AP3D1: variants seen among roughly 807,000 people sequenced by gnomAD.
AP3D1 encodes adaptor related protein complex 3 subunit delta 1, also known as AP-3 complex subunit delta-1.
In AP3D1, 51 loss-of-function variants were observed where a neutral mutation model predicts 147.6. That is an observed-to-expected ratio of 0.35 (90% CI 0.28 to 0.44). AP3D1 has a LOEUF of 0.44. Ranked by LOEUF, AP3D1 falls within the 20% of genes least tolerant of loss-of-function variation. AP3D1 has a pLI of 1.00. For missense variants in AP3D1, 1,421 were observed against 1,624.2 expected, an observed-to-expected ratio of 0.87 and a Z score of 2.15; for synonymous variants, 760 against 663.0, an observed-to-expected ratio of 1.15 and a Z score of -2.25.
chr19:2,102,041 G>T lies in AP3D1; in HGVS notation c.*132C>A. The T allele has an allele frequency of 1.5e-6, 1 of 687,158 alleles. No individual in the cohort carries two copies. Among genetic ancestry groups the T allele is most frequent in the Non-Finnish European group, 2.5e-6 (1 of 397,370 alleles). The allele number at this position is 687,158 out of a possible 1,614,324, so 42.6% of individuals were successfully genotyped here. The stretch of plus-strand genomic sequence containing the variant: ...ACAAATGACCTCGGATGTCTACACG[G>T]CGGACAACATAGAGTTAAATTAACA... On this transcript the variant is annotated 3_prime_UTR_variant, in exon 32 of 32. Coordinates refer to ENST00000643116, the MANE Select transcript of AP3D1 (RefSeq NM_001261826.3).
chr19:2,124,218 C>A lies in AP3D1; in HGVS notation c.857-339G>T, dbSNP rs1209284493. Among the ~76,000 whole-genome samples the A allele has an allele frequency of 3.3e-5, 5 of 152,234 alleles. No individual in the cohort carries two copies. The East Asian group carries it at 9.6e-4, about 29-fold the overall frequency. ...AGGCCCCGAGGCCACAGGACCAGAC[C>A]CTGTAGGAACCCAGGCGCTGGGTCT... is the stretch of plus-strand genomic sequence containing the variant. On this transcript the variant is annotated intron_variant, in intron 9 of 31. Transcript: ENST00000643116.
intron 9 of AP3D1, 151 bp from the exon 10 acceptor site, chr19:2,124,030 C>G (rs1248871521): frequency 1.1e-6 from 1 of 924,214 alleles, no homozygotes; most frequent in Admixed American, 2.1e-5. Context: ...CGCAGCCCAA[C>G]TGTGTTTGCA....
At chr19:2,139,017 A>ACCACTG (rs887794347) in intron 1 of AP3D1, among the ~76,000 whole-genome samples, 22 of 143,094 alleles carry the variant, frequency 1.5e-4, no homozygotes, top group African/African-American at 5.5e-4. Flanking sequence ...CCAAGATGAC[A>ACCACTG]CCACTGCATT....
intron 9 of AP3D1, among the ~76,000 whole-genome samples, chr19:2,126,801 C>G (rs933485119): frequency 1.3e-5 from 2 of 152,070 alleles, no homozygotes; most frequent in African/African-American, 2.4e-5. Context: ...GGATGGCAGG[C>G]CCTGAGCAGC....
intron 4 of AP3D1, among the ~76,000 whole-genome samples, chr19:2,133,044 C>T (rs991026030): frequency 3.9e-5 from 6 of 152,200 alleles, no homozygotes; most frequent in African/African-American, 1.4e-4. Context: ...ACCCCGGGTG[C>T]AAGAGCAGAG....
chr19:2,125,728 C>T (rs1194142137), intron 9 of AP3D1, among the ~76,000 whole-genome samples: 4 of 151,846 alleles, frequency 2.6e-5, no homozygotes, highest in East Asian at 3.8e-4. Context: ...GTAGGCCGGG[C>T]GCGGTGTGTA....
At chr19:2,117,765 C>A (rs1018349465) in intron 15 of AP3D1, among the ~76,000 whole-genome samples, 17 of 152,244 alleles carry the variant, frequency 1.1e-4, no homozygotes, top group African/African-American at 3.9e-4. Context: ...ATGGCCAGCC[C>A]CGAGCTAATG....
At chr19:2,121,433 T>C in intron 12 of AP3D1, 122 bp from the exon 13 acceptor site, 1 of 1,312,870 alleles carries the variant, frequency 7.6e-7, no homozygotes, top group Non-Finnish European at 1.1e-6. Flanking sequence ...GATTCACAGA[T>C]CGATGCCAGG....
upstream of AP3D1, among the ~76,000 whole-genome samples, chr19:2,152,760 CA>C: frequency 6.6e-6 from 1 of 151,334 alleles, no homozygotes; most frequent in South Asian, 2.1e-4. Context: ...CCTGTAATCC[CA>C]GCTACTTGGG....
chr19:2,112,685 G>A (rs973958249), intron 24 of AP3D1, 175 bp downstream of exon 24: 2 of 561,594 alleles, frequency 3.6e-6, no homozygotes, highest in South Asian at 2.3e-5. Context: ...TGAATAAGAA[G>A]GTTATTAAAA....
rs530363855 is a variant in AP3D1 at position 2,122,656 on chromosome 19, A to G, written c.955+702T>C. On this transcript the variant is annotated intron_variant, in intron 11 of 31. Transcript: ENST00000643116. ...TAGTAACTAAGAACAGAACAACCATAAAACACGGTCACGAAAGGTATGTGA... is the reference window on the plus strand; with the variant it reads ...TAGTAACTAAGAACAGAACAACCATGAAACACGGTCACGAAAGGTATGTGA... 2.6e-5 allele frequency among the ~76,000 whole-genome samples: 4 copies of G among 152,378 alleles called. No homozygotes were observed. In the East Asian group the frequency reaches 5.8e-4, roughly 22 times the overall value.
intron 1 of AP3D1, among the ~76,000 whole-genome samples, chr19:2,149,739 G>C (rs972954851): frequency 6.6e-6 from 1 of 152,126 alleles, no homozygotes; most frequent in African/African-American, 2.4e-5. Flanking sequence ...AGACCCCCTG[G>C]CCCATCGTCA....
At chr19:2,108,945 G>A in intron 30 of AP3D1, 141 bp downstream of exon 30, 1 of 1,405,102 alleles carries the variant, frequency 7.1e-7, no homozygotes, top group Non-Finnish European at 9.6e-7. Context: ...CCAGCTCCCA[G>A]GCCTCGGGGC....
intron 25 of AP3D1, 48 bp downstream of exon 25, chr19:2,111,631 C>T (rs1417182320): frequency 6.5e-7 from 1 of 1,539,590 alleles, no homozygotes; most frequent in Non-Finnish European, 8.7e-7. Flanking sequence ...CAGCGCACAG[C>T]CCGCCAGGAA....
chr19:2,123,942 G>A (rs2018681719), intron 9 of AP3D1, 63 bp from the exon 10 acceptor site: 1 of 1,525,466 alleles, frequency 6.6e-7, no homozygotes, highest in East Asian at 2.4e-5. Context: ...CACCAACTCA[G>A]GGCCACGGGG....
At position 2,115,343 on chromosome 19, in the gene AP3D1, C is replaced by T. The variant is rs1361138253; in HGVS notation, c.2225G>A (p.Arg742Lys). The T allele has an allele frequency of 2.5e-6, 4 of 1,609,684 alleles. No individual in the cohort carries two copies. Among genetic ancestry groups the T allele is most frequent in the Non-Finnish European group, 3.4e-6 (4 of 1,179,874 alleles). ...CTCCTTCTCCTTCCTCTTTTTCCTC[C>T]TCTTGTCCTTCTCCAGCTTCTGCCG... is the stretch of plus-strand genomic sequence containing the variant. Reference protein sequence around the residue: ...RHRQKLEKDKRRKKRKEKEKK... With the variant: ...RHRQKLEKDKKRKKRKEKEKK... The change falls in exon 20 of 32, where the codon AGG becomes AAG. Residue 742 changes from arginine to lysine, a missense_variant. By Grantham distance (26) the Arg-to-Lys change is conservative. Around this residue, in one of 6 missense-constraint regions of AP3D1, gnomAD observed 791 missense variants for 761.4 expected, o/e 1.04. Transcript: ENST00000643116.
At chr19:2,110,017 G>A (rs1345439571) in intron 28 of AP3D1, 59 bp from the exon 29 acceptor site, 1 of 1,599,004 alleles carries the variant, frequency 6.3e-7, no homozygotes, top group Non-Finnish European at 8.6e-7. Flanking sequence ...TCAGGGCTCA[G>A]GGTTCCCCAG....
intron 1 of AP3D1, among the ~76,000 whole-genome samples, chr19:2,143,981 G>A (rs1230377083): frequency 6.6e-6 from 1 of 151,748 alleles, no homozygotes; most frequent in African/African-American, 2.4e-5. Context: ...AGCTACTCGG[G>A]AGGCTGAGGC....
rs947736257 is a variant in AP3D1 at position 2,115,252 on chromosome 19, C to T, written c.2316G>A (p.Gln772=). 3.7e-6 allele frequency: 6 copies of T among 1,613,402 alleles called. No homozygotes were observed. The Admixed American group carries it at 5.0e-5, about 13-fold the overall frequency. ...TCTCCTCTGTGACGATGTCCACCTG[C>T]TGGGCAGGGGCGATGTCCTCGTCGC... The part of the protein sequence containing the change: ...TESDEDIAPA[Q]QVDIVTEEMP... The change falls in exon 20 of 32, where the codon CAG becomes CAA. Residue 772 remains glutamine (Q), a synonymous_variant. Coordinates refer to ENST00000643116, the MANE Select transcript of AP3D1 (RefSeq NM_001261826.3).
Sources: gnomAD v4.1 joint callset for allele counts (sites outside exome capture counted in the v4.1 genomes callset) on GRCh38, gnomAD v4.1.1 for gene constraint, gnomAD v4.1.1 regional missense constraint, MANE v1.5 for transcripts, NCBI Gene and HGNC (gene_info 2026-07-23, HGNC 2026-07-21) for gene names.